Variants in AFF3 observed in about 807,000 individuals in gnomAD.
The protein encoded by AFF3 is AF4/FMR2 family member 3.
Under a neutral mutation model 129.7 loss-of-function variants are expected in AFF3, and 32 were observed. The ratio of observed to expected loss-of-function variants is 0.25; its 90% CI spans 0.19 to 0.33. The LOEUF (loss-of-function observed/expected upper bound fraction) is 0.33, where lower values mean the gene tolerates loss of function less well. Ranked by LOEUF, AFF3 falls within the 10% of genes least tolerant of loss-of-function variation. The pLI is 1.00. For missense variants in AFF3, 1,373 were observed against 1,592.0 expected (o/e 0.86, Z 2.34); for synonymous variants, 644 against 635.4 (o/e 1.01, Z -0.20).
At chr2:99,812,618 C>T (rs1014142504) in intron 8 of AFF3, among the ~76,000 whole-genome samples, 5 of 152,136 alleles carry the variant, frequency 3.3e-5, no homozygotes, top group Non-Finnish European at 7.3e-5. Flanking sequence ...AGTGTGACTC[C>T]CTTTCTTAAT....
intron 12 of AFF3, among the ~76,000 whole-genome samples, chr2:99,656,224 G>C (rs1368849915): frequency 1.4e-5 from 2 of 145,988 alleles, no homozygotes; most frequent in Admixed American, 7.0e-5. Context: ...TGAGGTTTCT[G>C]GATCTACATT....
intron 11 of AFF3, among the ~76,000 whole-genome samples, chr2:99,702,062 A>C (rs148286690): frequency 5.3e-5 from 8 of 152,254 alleles, no homozygotes; most frequent in Non-Finnish European, 8.8e-5. Context: ...GGCTATTGCA[A>C]ATAAAGCTGC....
At chr2:99,975,011 C>T (rs1170227450) in intron 7 of AFF3, among the ~76,000 whole-genome samples, 2 of 152,212 alleles carry the variant, frequency 1.3e-5, no homozygotes, top group Non-Finnish European at 2.9e-5. Context: ...AGCTCAATCA[C>T]TAAGGGAATA....
chr2:100,106,257 A>G lies in AFF3; in HGVS notation c.-144-674T>C, dbSNP rs1318558328. ...AGAGTTGGCATCAACATAGTCTGAG[A>G]AAATGAAATTGTTATTTTACAAGCT... On this transcript the variant is annotated intron_variant, in intron 2 of 24. Transcript: ENST00000672756. 5 of 1,175,976 alleles carry G rather than the reference A, an allele frequency of 4.3e-6. No homozygotes were observed. In the African/African-American group the frequency reaches 6.4e-5, roughly 15 times the overall value. The allele number at this position is 1,175,976 out of a possible 1,614,324, so 72.8% of individuals were successfully genotyped here.
chr2:100,001,832 T>C (rs528352993), intron 7 of AFF3, among the ~76,000 whole-genome samples: 19 of 152,326 alleles, frequency 1.2e-4, no homozygotes, highest in Non-Finnish European at 2.2e-4. Flanking sequence ...GAACGACCCA[T>C]CTAAACTACA....
intron 4 of AFF3, among the ~76,000 whole-genome samples, chr2:100,067,291 A>T (rs1687809239): frequency 6.6e-6 from 1 of 152,112 alleles, no homozygotes; most frequent in Non-Finnish European, 1.5e-5. Flanking sequence ...AGTCCAATAT[A>T]CAGCCAAAGG....
At chr2:99,666,516 C>CA (rs1686689485) in intron 12 of AFF3, among the ~76,000 whole-genome samples, 1 of 151,946 alleles carries the variant, frequency 6.6e-6, no homozygotes, top group East Asian at 1.9e-4. Context: ...AGAAACTAAA[C>CA]AAAAAATAGA....
At chr2:99,970,961 C>A (rs561723021) in intron 7 of AFF3, among the ~76,000 whole-genome samples, 1 of 152,204 alleles carries the variant, frequency 6.6e-6, no homozygotes, top group African/African-American at 2.4e-5. Flanking sequence ...GTCTATAATA[C>A]GAGCATTGAA....
intron 7 of AFF3, among the ~76,000 whole-genome samples, chr2:100,005,488 T>C (rs556125346): frequency 1.5e-4 from 23 of 152,348 alleles, no homozygotes; most frequent in Admixed American, 6.5e-4. Context: ...AACAGCCTGA[T>C]GAATTCAGTT....
intron 7 of AFF3, among the ~76,000 whole-genome samples, chr2:99,959,112 G>T (rs946043201): frequency 6.6e-6 from 1 of 151,934 alleles, no homozygotes; most frequent in Non-Finnish European, 1.5e-5. Context: ...AATAAATAAA[G>T]GAGAGGACAG....
chr2:99,772,958 T>C (rs1683608532), intron 8 of AFF3, among the ~76,000 whole-genome samples: 1 of 152,200 alleles, frequency 6.6e-6, no homozygotes, highest in Non-Finnish European at 1.5e-5. Context: ...CTCACATGCT[T>C]CCCACCATTC....
At chr2:99,933,926 G>A (rs1331076900) in intron 7 of AFF3, among the ~76,000 whole-genome samples, 1 of 152,162 alleles carries the variant, frequency 6.6e-6, no homozygotes, top group East Asian at 1.9e-4. Context: ...CAACTCCAGT[G>A]CCAACCCCAA....
At chr2:99,830,603 T>G (rs1359543595) in intron 8 of AFF3, among the ~76,000 whole-genome samples, 1 of 151,966 alleles carries the variant, frequency 6.6e-6, no homozygotes, top group Non-Finnish European at 1.5e-5. Context: ...AATACAAAAA[T>G]TAGCTGGGTG....
At chr2:99,756,437 T>A (rs1558820424) in intron 8 of AFF3, among the ~76,000 whole-genome samples, 2 of 152,362 alleles carry the variant, frequency 1.3e-5, no homozygotes, top group East Asian at 1.9e-4. Flanking sequence ...TAAGTGTAAA[T>A]GTTTCCCAAG....
At chr2:99,916,837 C>G (rs1017385185) in intron 7 of AFF3, among the ~76,000 whole-genome samples, 2 of 151,886 alleles carry the variant, frequency 1.3e-5, no homozygotes, top group African/African-American at 4.8e-5. Context: ...AGGCTGTGAC[C>G]GAATCTCATC....
intron 13 of AFF3, among the ~76,000 whole-genome samples, chr2:99,625,601 T>C (rs1047306226): frequency 5.9e-5 from 9 of 152,188 alleles, no homozygotes; most frequent in Non-Finnish European, 1.0e-4. Flanking sequence ...TTCTGGGTTG[T>C]ATGACAGGAT....
chr2:99,828,863 C>A (rs894675085), intron 8 of AFF3, among the ~76,000 whole-genome samples: 2 of 152,194 alleles, frequency 1.3e-5, no homozygotes, highest in Non-Finnish European at 2.9e-5. Context: ...CACGTACACA[C>A]ATTCACATTC....
rs1023688167 is a variant in AFF3 at position 99,929,220 on chromosome 2, G to A, written c.873+77412C>T. The stretch of plus-strand genomic sequence containing the variant: ...CACATGCCTGTAATCCCAGCTACTC[G>A]GGAGGCTGAGGCAGGAGAATCGCTT... On this transcript the variant is annotated intron_variant, in intron 7 of 24. Transcript: ENST00000672756. 3.8e-4 allele frequency among the ~76,000 whole-genome samples: 58 copies of A among 152,070 alleles called. 1 individual carries two copies. Among genetic ancestry groups the A allele is most frequent in the African/African-American group, 1.2e-3 (48 of 41,390 alleles).
rs369818579 is a variant in AFF3, at chr2:99,601,429, G to C, written c.1371+6C>G. 126 of 1,597,538 alleles carry C rather than the reference G, an allele frequency of 7.9e-5. No individual in the cohort carries two copies. The highest frequency in any genetic ancestry group is 1.0e-4 in the Non-Finnish European group (120 of 1,170,626). ...AGAGGAGAGGCCTGAGCCAGGCAGCGCTTACCTCGGGGCTGGAGAAGTGGG... is the reference window on the plus strand; with the variant it reads ...AGAGGAGAGGCCTGAGCCAGGCAGCCCTTACCTCGGGGCTGGAGAAGTGGG... On this transcript the variant is annotated splice_donor_region_variant and intron_variant, in intron 14 of 24. Coordinates refer to ENST00000672756, the MANE Select transcript of AFF3 (RefSeq NM_001386135.1).
Sources: allele counts gnomAD v4.1 joint callset (sites outside exome capture counted in the v4.1 genomes callset), GRCh38; gene constraint gnomAD v4.1.1; transcripts MANE v1.5; gene names NCBI Gene and HGNC (gene_info 2026-07-23, HGNC 2026-07-21).